CEP43: variants seen among roughly 807,000 people sequenced by gnomAD.
CEP43 encodes the protein FGFR1 oncogene partner.
A neutral mutation model predicts 52.6 loss-of-function variants in CEP43; 36 were observed. That is an observed-to-expected ratio of 0.68 (90% confidence interval 0.52 to 0.90). CEP43 has a LOEUF of 0.90. Among genes scored for constraint, CEP43 ranks in the 40% least tolerant of loss-of-function variants. CEP43 has a pLI of 0.00. For missense variants in CEP43, 506 were observed against 472.8 expected (o/e 1.07, Z -0.65); for synonymous variants, 192 against 172.4 (o/e 1.11, Z -0.89).
intron 12 of CEP43, among the ~76,000 whole-genome samples, chr6:167,039,274 C>T (rs9366082): frequency 0.039 from 5,980 of 152,180 alleles, 167 homozygotes; most frequent in East Asian, 0.11. Flanking sequence ...GGACTACAGG[C>T]ACCCGCTATA....
intron 10 of CEP43, among the ~76,000 whole-genome samples, chr6:167,031,526 A>AT (rs1780470791): frequency 1.3e-5 from 2 of 152,204 alleles, no homozygotes; most frequent in South Asian, 4.1e-4. Flanking sequence ...AGAGAATTAC[A>AT]TTGTCTAACT....
At chr6:167,003,564 A>G (rs1451640371) in intron 3 of CEP43, 159 bp from the exon 4 acceptor site, 5 of 565,666 alleles carry the variant, frequency 8.8e-6, no homozygotes, top group Non-Finnish European at 1.6e-5. Context: ...GGAGATTGAG[A>G]TTTTCATTAC....
intron 7 of CEP43, among the ~76,000 whole-genome samples, chr6:167,015,492 G>A (rs1208391474): frequency 6.6e-6 from 1 of 152,186 alleles, no homozygotes; most frequent in African/African-American, 2.4e-5. Flanking sequence ...TACACAGCAA[G>A]ACTCCAGATG....
intron 7 of CEP43, among the ~76,000 whole-genome samples, chr6:167,018,962 A>T (rs1407090578): frequency 6.6e-6 from 1 of 152,190 alleles, no homozygotes; most frequent in Non-Finnish European, 1.5e-5. Flanking sequence ...ATATAGATTA[A>T]GTAGATAGCA....
At chr6:167,018,578 A>AC (rs771198848) in intron 7 of CEP43, among the ~76,000 whole-genome samples, 3 of 151,934 alleles carry the variant, frequency 2.0e-5, no homozygotes, top group Non-Finnish European at 4.4e-5. Context: ...TTTAGTAGAG[A>AC]CGGGGTTCCA....
At position 167,044,495 on chromosome 6, in the gene CEP43, AGTGTCCTCAG is replaced by A; in HGVS notation, c.*4520_*4529del. 2 of 985,444 alleles carry A rather than the reference AGTGTCCTCAG, an allele frequency of 2.0e-6. No homozygotes were observed. The highest frequency in any genetic ancestry group is 2.4e-6 in the Non-Finnish European group (2 of 829,934). 61.0% of individuals were successfully genotyped at this position (985,444 alleles called of 1,614,324 possible). A position where few individuals can be genotyped will look rare whatever the true frequency, so the allele number is the denominator to read the frequency against. ...TTCCCCGAGGAAGTCAGATTGGAAA[AGTGTCCTCAG>A]GTTCAAGGAAACCTGGGTGTGCACC... On this transcript the variant is annotated 3_prime_UTR_variant, in exon 13 of 13. Transcript: ENST00000366847.
chr6:167,032,486 G>A (rs1409298601), intron 10 of CEP43, 117 bp from the exon 11 acceptor site: 1 of 849,980 alleles, frequency 1.2e-6, no homozygotes, highest in African/African-American at 1.7e-5. Context: ...GTTATTTCTA[G>A]TCTGGGACTT....
chr6:167,030,098 C>T (rs978374352), intron 10 of CEP43, among the ~76,000 whole-genome samples: 1 of 152,236 alleles, frequency 6.6e-6, no homozygotes, highest in Admixed American at 6.5e-5. Context: ...TCTGGATGTA[C>T]ACGTGCAGGA....
At chr6:167,014,827 TAAG>T (rs1305912282) in intron 7 of CEP43, among the ~76,000 whole-genome samples, 3 of 152,244 alleles carry the variant, frequency 2.0e-5, no homozygotes, top group South Asian at 4.1e-4. Flanking sequence ...AGTTCTCACT[TAAG>T]GAGTTTATAG....
chr6:167,034,532 T>A (rs151062963), intron 12 of CEP43, among the ~76,000 whole-genome samples: 2 of 152,322 alleles, frequency 1.3e-5, no homozygotes, highest in Middle Eastern at 3.4e-3. Context: ...GGGTCACCTG[T>A]CAGTACCCAC....
intron 2 of CEP43, among the ~76,000 whole-genome samples, chr6:167,001,836 C>T (rs1779743041): frequency 6.6e-6 from 1 of 152,098 alleles, no homozygotes. Flanking sequence ...GTCTCCGTTT[C>T]CGTGGTGTCC....
chr6:167,001,437 G>A (rs1779734814), intron 2 of CEP43, among the ~76,000 whole-genome samples: 1 of 151,958 alleles, frequency 6.6e-6, no homozygotes. Flanking sequence ...TCACAACCTG[G>A]TTTTGACCAC....
At chr6:167,037,338 A>G (rs935931998) in intron 12 of CEP43, among the ~76,000 whole-genome samples, 2 of 146,162 alleles carry the variant, frequency 1.4e-5, no homozygotes, top group Non-Finnish European at 3.1e-5. Context: ...TCTGTAGTTT[A>G]GCATTTGTAT....
At position 167,047,568 on chromosome 6, in the gene CEP43, T is replaced by G. The variant is rs1241781630; in HGVS notation, c.*7590T>G. On this transcript the variant is annotated 3_prime_UTR_variant, in exon 13 of 13. Coordinates refer to ENST00000366847, the MANE Select transcript of CEP43 (RefSeq NM_007045.4). Reference sequence around the variant, plus strand: ...TACTATTTTTATTAAGAAGGTAAGATTCACAGGACTTAGTGTCTTAACTAG... The same window carrying G: ...TACTATTTTTATTAAGAAGGTAAGAGTCACAGGACTTAGTGTCTTAACTAG... The G allele has an allele frequency of 6.6e-6, 1 of 152,156 alleles. No individual in the cohort carries two copies. The highest frequency in any genetic ancestry group is 2.4e-5 in the African/African-American group (1 of 41,440). 9.4% of individuals were successfully genotyped at this position (152,156 alleles called of 1,614,324 possible).
At chr6:167,026,998 C>T (rs560840835) in intron 10 of CEP43, among the ~76,000 whole-genome samples, 2 of 152,298 alleles carry the variant, frequency 1.3e-5, no homozygotes, top group Admixed American at 6.5e-5. Context: ...TGTGCAGAAG[C>T]TTCATGGTTA....
intron 10 of CEP43, among the ~76,000 whole-genome samples, chr6:167,030,166 A>G (rs1246204478): frequency 6.6e-6 from 1 of 152,228 alleles, no homozygotes; most frequent in Non-Finnish European, 1.5e-5. Context: ...TGTGTTTTGA[A>G]TTGGCTACAA....
intron 5 of CEP43, among the ~76,000 whole-genome samples, chr6:167,006,658 C>A (rs1461372413): frequency 6.6e-6 from 1 of 152,164 alleles, no homozygotes; most frequent in African/African-American, 2.4e-5. Flanking sequence ...TATGTCATTT[C>A]ACATAAGAGA....
chr6:167,001,357 A>G (rs1179112222), intron 2 of CEP43, among the ~76,000 whole-genome samples: 1 of 152,166 alleles, frequency 6.6e-6, no homozygotes, highest in Non-Finnish European at 1.5e-5. Flanking sequence ...ACATGTTTAA[A>G]TAACTATTAG....
chr6:167,009,791 G>C (rs200542806), intron 5 of CEP43, among the ~76,000 whole-genome samples: 1 of 151,734 alleles, frequency 6.6e-6, no homozygotes, highest in Non-Finnish European at 1.5e-5. Flanking sequence ...AGCCGAGATC[G>C]CACCACTGCA....
Sources: allele counts gnomAD v4.1 joint callset (sites outside exome capture counted in the v4.1 genomes callset), GRCh38; gene constraint gnomAD v4.1.1; transcripts MANE v1.5; gene names NCBI Gene and HGNC (gene_info 2026-07-23, HGNC 2026-07-21).